RECQL4: variants seen among roughly 807,000 people sequenced by gnomAD.
RECQL4 encodes the protein ATP-dependent DNA helicase Q4.
In RECQL4, 158 loss-of-function variants were observed where a neutral mutation model predicts 128.6. That is an observed-to-expected ratio of 1.23 (90% CI 1.08 to 1.40). The LOEUF (loss-of-function observed/expected upper bound fraction) is 1.40, where lower values mean the gene tolerates loss of function less well. Ranked by LOEUF, RECQL4 falls within the 40% of genes most tolerant of loss-of-function variation. RECQL4 has a pLI of 0.00. For synonymous variants in RECQL4, 996 were observed against 678.9 expected (o/e 1.47, Z -7.26); for missense variants, 2,293 against 1,649.8 (o/e 1.39, Z -6.75).
chr8:144,513,203 G>A lies in RECQL4; in HGVS notation c.2463+15C>T. Reference sequence around the variant, plus strand: ...GGGCTCGAGCACTGGCAGTGTGGGGGGGGGGGGTGCCAACCTGGGGCTGCA... The same window carrying A: ...GGGCTCGAGCACTGGCAGTGTGGGGAGGGGGGGTGCCAACCTGGGGCTGCA... On this transcript the variant is annotated intron_variant, in intron 14 of 20. Coordinates refer to ENST00000617875, the MANE Select transcript of RECQL4 (RefSeq NM_004260.4). 3.8e-6 allele frequency: 6 copies of A among 1,560,234 alleles called. No individual in the cohort carries two copies. Among genetic ancestry groups the A allele is most frequent in the Non-Finnish European group, 5.2e-6 (6 of 1,156,340 alleles).
At position 144,511,503 on chromosome 8, in the gene RECQL4, T is replaced by C. The variant is rs1586787396; in HGVS notation, c.3555A>G (p.Arg1185=). The C allele has an allele frequency of 6.2e-7, 1 of 1,612,570 alleles. No homozygotes were observed. The highest frequency in any genetic ancestry group is 8.5e-7 in the Non-Finnish European group (1 of 1,179,812). The change falls in exon 21 of 21, where the codon AGA becomes AGG. Residue 1185 remains arginine (R), a synonymous_variant. Transcript: ENST00000617875. ...CATGGAAGCTCAGGTGCAGGTATTT[T>C]CTCCAGAAGCGTCGGTCCTGCCCGT... is the stretch of plus-strand genomic sequence containing the variant. The part of the protein sequence containing the change: ...QVYGQDRRFW[R]KYLHLSFHAL...
intron 6 of RECQL4, 49 bp from the exon 7 acceptor site, chr8:144,515,506 C>T: frequency 6.2e-7 from 1 of 1,611,250 alleles, no homozygotes. Context: ...TCGGGCAAGA[C>T]AACCACTGGC....
rs916059603 is a variant in RECQL4, at chr8:144,517,588, C to A, written c.118+14G>T. The A allele has an allele frequency of 7.4e-6, 11 of 1,479,398 alleles. 1 individual carries two copies. Among genetic ancestry groups the A allele is most frequent in the Middle Eastern group, 2.3e-4 (1 of 4,342 alleles). The allele number at this position is 1,479,398 out of a possible 1,614,324, so 91.6% of individuals were successfully genotyped here. ...CGGTGTCTTCTCGCCCCCGCCGCCCCGCCGCGCGCTCACCGCGGGTCTCCT... is the reference window on the plus strand; with the variant it reads ...CGGTGTCTTCTCGCCCCCGCCGCCCAGCCGCGCGCTCACCGCGGGTCTCCT... On this transcript the variant is annotated intron_variant, in intron 2 of 20. Transcript: ENST00000617875.
rs745923927 is a variant in RECQL4 at position 144,517,401 on chromosome 8, G to A, written c.213+13C>T. 1.3e-6 allele frequency: 2 copies of A among 1,557,508 alleles called. No individual in the cohort carries two copies. Among genetic ancestry groups the A allele is most frequent in the Admixed American group, 3.8e-5 (2 of 53,254 alleles). Reference sequence around the variant, plus strand: ...GGAAGTGGGAGGAGGCTGGGGCGGCGGGGCCTGGGTACCTCTTCGGCCGCC... The same window carrying A: ...GGAAGTGGGAGGAGGCTGGGGCGGCAGGGCCTGGGTACCTCTTCGGCCGCC... On this transcript the variant is annotated intron_variant, in intron 3 of 20. Coordinates refer to ENST00000617875, the MANE Select transcript of RECQL4 (RefSeq NM_004260.4).
In RECQL4 at chr8:144,514,481, C is replaced by A. The variant is rs756736123; in HGVS notation, c.1665G>T (p.Ser555=). 6.2e-7 allele frequency: 1 copy of A among 1,612,304 alleles called. No homozygotes were observed. Among genetic ancestry groups the A allele is most frequent in the Non-Finnish European group, 8.5e-7 (1 of 1,179,626 alleles). Residue 555 remains serine (S), a synonymous_variant, in exon 10 of 21, where the codon TCG becomes TCT. Coordinates refer to ENST00000617875, the MANE Select transcript of RECQL4 (RefSeq NM_004260.4). ...PPCLKAACIH[S]GMTRKQRESV... ...ATTCCCGTTGCTTCCTGGTCATGCC[C>A]GAGTGTATGCAGGCCGCCTTGAGAC... is the stretch of plus-strand genomic sequence containing the variant.
In RECQL4 at chr8:144,513,385, G is replaced by T. The variant is rs1586802958; in HGVS notation, c.2296C>A (p.Arg766=). 2 of 1,607,728 alleles carry T rather than the reference G, an allele frequency of 1.2e-6. No homozygotes were observed. The highest frequency in any genetic ancestry group is 1.7e-5 in the Admixed American group (1 of 59,954). ...AAGGCCACCGTGGCCACCACCACCC[G>T]CAACTGGCCCTGCATGAAGGCTCGC... is the stretch of plus-strand genomic sequence containing the variant. ...VQRAFMQGQL[R]VVVATVAFGM... The change falls in exon 14 of 21, where the codon CGG becomes AGG. Residue 766 remains arginine (R), a synonymous_variant. Coordinates refer to ENST00000617875, the MANE Select transcript of RECQL4 (RefSeq NM_004260.4).
chr8:144,513,802 A>T (rs902619096), intron 12 of RECQL4, 90 bp from the exon 13 acceptor site: 3 of 1,013,952 alleles, frequency 3.0e-6, no homozygotes, highest in Non-Finnish European at 4.0e-6. Flanking sequence ...GTGGGGAGTG[A>T]GGAGGGGTCG....
rs1256215770 is a variant in RECQL4, at chr8:144,513,975, G to A, written c.2011C>T (p.Pro671Ser). The change falls in exon 12 of 21, where the codon CCC (proline) becomes TCC (serine). Residue 671 changes from proline (P) to serine (S), a missense_variant. Physicochemically the swap from Pro to Ser is moderately conservative, Grantham distance 74. Transcript: ENST00000617875. ...EPDLHGPAPV[P>S]TNLHLSVSMD... ...GACACGGAAAGGTGCAGGTTGGTGG[G>A]AACTGGGGCTGGCCCGTGGAGGTCA... 6 of 1,564,324 alleles carry A rather than the reference G, an allele frequency of 3.8e-6. No individual in the cohort carries two copies. The highest frequency in any genetic ancestry group is 4.3e-6 in the Non-Finnish European group (5 of 1,155,104).
At position 144,517,469 on chromosome 8, in the gene RECQL4, C is replaced by A. The variant is rs1381844543; in HGVS notation, c.158G>T (p.Gly53Val). ...GCTGCGGAGCCCGCCGCCGGCCTGG[C>A]CCGTGGTACGCTTCAGAGTGCGGTA... Reference protein sequence around the residue: ...REYRTLKRTTGQAGGGLRSSE... With the variant: ...REYRTLKRTTVQAGGGLRSSE... Residue 53 changes from glycine to valine, a missense_variant, in exon 3 of 21, where the codon GGC becomes GTC. Physicochemically the swap from Gly to Val is moderately radical, Grantham distance 109. Transcript: ENST00000617875. 1 of 1,596,326 alleles carries A rather than the reference C, an allele frequency of 6.3e-7. No homozygotes were observed.
intron 4 of RECQL4, 118 bp from the exon 5 acceptor site, chr8:144,516,882 G>C (rs1425892650): frequency 2.9e-6 from 4 of 1,376,730 alleles, no homozygotes; most frequent in Admixed American, 4.9e-5. Flanking sequence ...CACAAGGCTG[G>C]ACTAGAAAGG....
Position 144,514,170 on chromosome 8 carries a change from C to A in RECQL4, c.1878+19G>T, listed in dbSNP as rs750898692. 3.1e-6 allele frequency: 5 copies of A among 1,611,978 alleles called. No homozygotes were observed. The South Asian group carries it at 5.5e-5, about 18-fold the overall frequency. On this transcript the variant is annotated intron_variant, in intron 11 of 20. Transcript: ENST00000617875. The stretch of plus-strand genomic sequence containing the variant: ...CCATCCCGGCCCTGGCCGCCCACCC[C>A]AGTTCACATATGGCTCACCTTGCAG...
chr8:144,514,763 G>A (rs1289829573), intron 9 of RECQL4, among the ~76,000 whole-genome samples, 173 bp downstream of exon 9: 1 of 152,200 alleles, frequency 6.6e-6, no homozygotes, highest in Non-Finnish European at 1.5e-5. Context: ...GGTGGCTGTG[G>A]TGCCTGTGGA....
chr8:144,517,813 T>C lies in RECQL4; in HGVS notation c.-29A>G, dbSNP rs1331488950. Reference sequence around the variant, plus strand: ...GCGCGCGCCCGCCCGGCCTCCGCGCTTGCGATCGTCCAGCGAATCTCCCGC... The same window carrying C: ...GCGCGCGCCCGCCCGGCCTCCGCGCCTGCGATCGTCCAGCGAATCTCCCGC... On this transcript the variant is annotated 5_prime_UTR_variant, in exon 1 of 21. Transcript: ENST00000617875. 4 of 1,197,210 alleles carry C rather than the reference T, an allele frequency of 3.3e-6. No homozygotes were observed. The South Asian group carries it at 1.0e-4, about 30-fold the overall frequency. The allele number at this position is 1,197,210 out of a possible 1,614,324, so 74.2% of individuals were successfully genotyped here. A position where few individuals can be genotyped will look rare whatever the true frequency, so the allele number is the denominator to read the frequency against.
chr8:144,514,659 A>C, intron 9 of RECQL4, 134 bp from the exon 10 acceptor site: 1 of 992,204 alleles, frequency 1.0e-6, no homozygotes, highest in South Asian at 1.7e-5. Flanking sequence ...CCTAGGGCTA[A>C]GGGTTTAGAG....
At position 144,513,672 on chromosome 8, in the gene RECQL4, A is replaced by G. The variant is rs563222200; in HGVS notation, c.2099T>C (p.Leu700Pro). The G allele has an allele frequency of 8.2e-5, 128 of 1,554,902 alleles. No homozygotes were observed. The South Asian group carries it at 1.4e-3, about 17-fold the overall frequency. ...TLLQGKRFQN[L>P]DSIIIYCNRR... is the part of the protein sequence containing the mutation. ...GTTGCAGTAAATGATAATGGAATCG[A>G]GGTTTTGAAAACGTTTGCCTTGCAG... is the stretch of plus-strand genomic sequence containing the variant. Residue 700 changes from leucine (L) to proline (P), a missense_variant, in exon 13 of 21, where the codon CTC becomes CCC. Physicochemically the swap from Leu to Pro is moderately conservative, Grantham distance 98. Coordinates refer to ENST00000617875, the MANE Select transcript of RECQL4 (RefSeq NM_004260.4).
In RECQL4 at chr8:144,514,373, C is replaced by A. The variant is rs777872717; in HGVS notation, c.1705-11G>T. 3.1e-6 allele frequency: 5 copies of A among 1,599,354 alleles called. No homozygotes were observed. The Admixed American group carries it at 8.4e-5, about 27-fold the overall frequency. Reference sequence around the variant, plus strand: ...CTGGGCTGCCCGAATCTGAAGGCAGCAAGATCAGAGGCACAGCCCAGGTGC... The same window carrying A: ...CTGGGCTGCCCGAATCTGAAGGCAGAAAGATCAGAGGCACAGCCCAGGTGC... On this transcript the variant is annotated splice_polypyrimidine_tract_variant and intron_variant, in intron 10 of 20. Coordinates refer to ENST00000617875, the MANE Select transcript of RECQL4 (RefSeq NM_004260.4).
chr8:144,512,855 G>T lies in RECQL4; in HGVS notation c.2747C>A (p.Pro916Gln), dbSNP rs375049839. ...IQLTVQALDM[P>Q]EEAIETLLCY... Reference sequence around the variant, plus strand: ...TACCCCAGGTTCCTCACCCTCCTCCGGCATGTCCAAAGCCTGTACGGTAAG... The same window carrying T: ...TACCCCAGGTTCCTCACCCTCCTCCTGCATGTCCAAAGCCTGTACGGTAAG... Residue 916 changes from proline (P) to glutamine (Q), a missense_variant, in exon 15 of 21, where the codon CCG becomes CAG. Physicochemically the swap from Pro to Gln is moderately conservative, Grantham distance 76. Transcript: ENST00000617875. The T allele has an allele frequency of 6.2e-7, 1 of 1,603,816 alleles. No homozygotes were observed. Among genetic ancestry groups the T allele is most frequent in the Non-Finnish European group, 8.5e-7 (1 of 1,175,584 alleles).
Position 144,516,062 on chromosome 8 carries a change from A to G in RECQL4, c.1057T>C (p.Tyr353His). The change falls in exon 5 of 21, where the codon TAC (tyrosine) becomes CAC (histidine). Residue 353 changes from tyrosine to histidine, a missense_variant. Transcript: ENST00000617875. ...TTCTGCTTCATGTTGAGCCGTACGT[A>G]ATTGCCCCTGTCATGGCGGGCCAGC... Reference protein sequence around the residue: ...PRLARHDRGNYVRLNMKQKHY... With the variant: ...PRLARHDRGNHVRLNMKQKHY... 6.2e-7 allele frequency: 1 copy of G among 1,612,678 alleles called. No individual in the cohort carries two copies. The highest frequency in any genetic ancestry group is 8.5e-7 in the Non-Finnish European group (1 of 1,179,844).
rs982846304 is a variant in RECQL4 at position 144,517,802 on chromosome 8, G to A, written c.-18C>T. On this transcript the variant is annotated 5_prime_UTR_variant, in exon 1 of 21. Coordinates refer to ENST00000617875, the MANE Select transcript of RECQL4 (RefSeq NM_004260.4). ...CGCTCCATGGCGCGCGCGCCCGCCC[G>A]GCCTCCGCGCTTGCGATCGTCCAGC... 5.6e-4 allele frequency: 679 copies of A among 1,208,116 alleles called. 1 individual carries two copies. The highest frequency in any genetic ancestry group is 6.6e-4 in the Non-Finnish European group (635 of 968,828). 74.8% of individuals were successfully genotyped at this position (1,208,116 alleles called of 1,614,324 possible). A position where few individuals can be genotyped will look rare whatever the true frequency, so the allele number is the denominator to read the frequency against.
Sources: allele counts gnomAD v4.1 joint callset (sites outside exome capture counted in the v4.1 genomes callset), GRCh38; gene constraint gnomAD v4.1.1; transcripts MANE v1.5; gene names NCBI Gene and HGNC (gene_info 2026-07-23, HGNC 2026-07-21).